Variants in MYPN observed in about 807,000 individuals in gnomAD.
The protein encoded by MYPN is myopalladin.
Under a neutral mutation model 129.4 loss-of-function variants are expected in MYPN, and 63 were observed. That is an observed-to-expected ratio of 0.49 (90% CI 0.40 to 0.60). The LOEUF (loss-of-function observed/expected upper bound fraction) is 0.60. Ranked by LOEUF, MYPN falls within the 20% of genes least tolerant of loss-of-function variation. MYPN has a pLI of 0.00. For synonymous variants in MYPN, 629 were observed against 600.9 expected (o/e 1.05, Z -0.68); for missense variants, 1,596 against 1,635.4 (o/e 0.98, Z 0.42).
upstream of MYPN, among the ~76,000 whole-genome samples, chr10:68,103,911 T>C (rs1217533399): frequency 6.6e-6 from 1 of 152,152 alleles, no homozygotes; most frequent in African/African-American, 2.4e-5. Flanking sequence ...GACCGCACCA[T>C]TGCACTCCAG....
chr10:68,136,867 G>A (rs2134043729), intron 2 of MYPN: 1 of 955,070 alleles, frequency 1.0e-6, no homozygotes, highest in Non-Finnish European at 1.5e-6. Flanking sequence ...AAAGCCAAAT[G>A]TTATTAAAGA....
chr10:68,104,785 T>C (rs1284792249), upstream of MYPN, among the ~76,000 whole-genome samples: 1 of 152,080 alleles, frequency 6.6e-6, no homozygotes, highest in Non-Finnish European at 1.5e-5. Context: ...ATTATTTCTT[T>C]CTTTATTTAT....
chr10:68,121,537 T>C lies in MYPN; in HGVS notation c.99T>C (p.Ser33=). ...GACATCGGGGAAACAATGAGAGGAGTCGAGCGGAGCCCTCCTCCAACCCTT... is the reference window on the plus strand; with the variant it reads ...GACATCGGGGAAACAATGAGAGGAGCCGAGCGGAGCCCTCCTCCAACCCTT... The part of the protein sequence containing the change: ...ETRHRGNNER[S]RAEPSSNPCH... Residue 33 remains serine, a synonymous_variant, in exon 2 of 20, where the codon AGT becomes AGC. Transcript: ENST00000358913. 6.2e-7 allele frequency: 1 copy of C among 1,613,666 alleles called. No homozygotes were observed. The highest frequency in any genetic ancestry group is 1.7e-5 in the Admixed American group (1 of 59,956).
intron 12 of MYPN, among the ~76,000 whole-genome samples, chr10:68,188,085 T>A (rs917377428): frequency 6.6e-6 from 1 of 152,098 alleles, no homozygotes; most frequent in African/African-American, 2.4e-5. Flanking sequence ...AAAGCAGACA[T>A]GGGGTTAAGA....
chr10:68,122,365 T>C (rs758196383), intron 2 of MYPN, 25 bp downstream of exon 2: 31 of 1,609,342 alleles, frequency 1.9e-5, no homozygotes, highest in Non-Finnish European at 2.6e-5. Context: ...TTGGTAATGC[T>C]GAGTAATGTT....
rs1484415984 is a variant in MYPN at position 68,126,213 on chromosome 10, G to T, written c.902+3873G>T. Among the ~76,000 whole-genome samples, 3 of 152,100 alleles carry T rather than the reference G, an allele frequency of 2.0e-5. No homozygotes were observed. In the East Asian group the frequency reaches 5.8e-4, roughly 29 times the overall value. On this transcript the variant is annotated intron_variant, in intron 2 of 19. Transcript: ENST00000358913. ...GGTTGAAGAGGTAGGTGGAAGGAAT[G>T]GGTCCTTTCAGGCCAGGTCACTTCA... is the stretch of plus-strand genomic sequence containing the variant.
chr10:68,164,319 A>T (rs2043023042), intron 8 of MYPN, among the ~76,000 whole-genome samples: 1 of 152,188 alleles, frequency 6.6e-6, no homozygotes, highest in African/African-American at 2.4e-5. Context: ...GGCCACTCTT[A>T]CTTTCATGAC....
rs1278530251 is a variant in MYPN at position 68,207,052 on chromosome 10, G to A, written c.3793+149G>A. 3 of 935,872 alleles carry A rather than the reference G, an allele frequency of 3.2e-6. No individual in the cohort carries two copies. The African/African-American group carries it at 4.9e-5, about 15-fold the overall frequency. The allele number at this position is 935,872 out of a possible 1,614,324, so 58.0% of individuals were successfully genotyped here. On this transcript the variant is annotated intron_variant, in intron 19 of 19. Transcript: ENST00000358913. Reference sequence around the variant, plus strand: ...GCAGGCAGATCACCTGAGGTCAGGAGTTCAAGACCAGCCTGGTCAACGTGA... The same window carrying A: ...GCAGGCAGATCACCTGAGGTCAGGAATTCAAGACCAGCCTGGTCAACGTGA...
At chr10:68,094,960 T>C (rs1305512952) in intron 1 of MYPN, among the ~76,000 whole-genome samples, 1 of 151,954 alleles carries the variant, frequency 6.6e-6, no homozygotes, top group African/African-American at 2.4e-5. Flanking sequence ...ACTAGGGAGA[T>C]TGAGGCCTGA....
chr10:68,161,952 C>T (rs1270953646), intron 8 of MYPN, 200 bp downstream of exon 8: 9 of 446,562 alleles, frequency 2.0e-5, no homozygotes, highest in East Asian at 7.6e-5. Context: ...TACTTGAGAT[C>T]AGAAGTTCAA....
chr10:68,093,600 A>G (rs2993348), intron 1 of MYPN, among the ~76,000 whole-genome samples: 2 of 149,436 alleles, frequency 1.3e-5, no homozygotes, highest in South Asian at 2.1e-4. Flanking sequence ...AAAAAGAAAT[A>G]CAAAAAATGA....
intron 15 of MYPN, among the ~76,000 whole-genome samples, chr10:68,195,843 C>T (rs1366310060): frequency 6.6e-6 from 1 of 152,038 alleles, no homozygotes; most frequent in African/African-American, 2.4e-5. Context: ...CACTTTGTTG[C>T]CCAGGCTGGA....
At position 68,195,518 on chromosome 10, in the gene MYPN, T is replaced by C. The variant is rs749259873; in HGVS notation, c.3144T>C (p.Ala1048=). Residue 1048 remains alanine (A), a synonymous_variant, in exon 15 of 20, where the codon GCT becomes GCC. Coordinates refer to ENST00000358913, the MANE Select transcript of MYPN (RefSeq NM_032578.4). ...SLPIRSRLTS[A]GQSHRGRSRV... Reference sequence around the variant, plus strand: ...CCATTCGCAGTCGGCTAACCTCTGCTGGTCAGTCTCACAGGTAAAGACAGT... The same window carrying C: ...CCATTCGCAGTCGGCTAACCTCTGCCGGTCAGTCTCACAGGTAAAGACAGT... The C allele has an allele frequency of 1.2e-6, 2 of 1,614,012 alleles. No individual in the cohort carries two copies. Among genetic ancestry groups the C allele is most frequent in the South Asian group, 2.2e-5 (2 of 91,080 alleles).
intron 3 of MYPN, among the ~76,000 whole-genome samples, chr10:68,143,947 G>T (rs1451987194): frequency 1.3e-5 from 2 of 152,110 alleles, no homozygotes; most frequent in East Asian, 3.9e-4. Flanking sequence ...TAGAGATGGG[G>T]TTTCACCATG....
chr10:68,145,902 T>A (rs2042658552), intron 4 of MYPN, among the ~76,000 whole-genome samples: 1 of 152,200 alleles, frequency 6.6e-6, no homozygotes, highest in Admixed American at 6.5e-5. Flanking sequence ...ATCATTCTCG[T>A]GGCCTTGAGT....
Position 68,136,167 on chromosome 10 carries a change from C to T in MYPN, c.903-6773C>T, listed in dbSNP as rs1026365527. On this transcript the variant is annotated intron_variant, in intron 2 of 19. Coordinates refer to ENST00000358913, the MANE Select transcript of MYPN (RefSeq NM_032578.4). ...TAAAGAGCCAAAAGTCCAGTTACAT[C>T]TGAAAAATGTGTCTCTTCAGTGTCT... The T allele has an allele frequency of 1.3e-5, 13 of 969,544 alleles. No individual in the cohort carries two copies. In the African/African-American group the frequency reaches 2.3e-4, roughly 17 times the overall value. The allele number at this position is 969,544 out of a possible 1,614,324, so 60.1% of individuals were successfully genotyped here. A position where few individuals can be genotyped will look rare whatever the true frequency, so the allele number is the denominator to read the frequency against.
Position 68,121,442 on chromosome 10 carries a change from C to T in MYPN, c.4C>T (p.Gln2Ter). The part of the protein sequence containing the change: M[Q>*]DDSIEASTSI... ...GTTATTATTATTTTGTGACAGCATG[C>T]AAGACGACAGCATAGAAGCTTCTAC... The change falls in exon 2 of 20, where the codon CAA becomes TAA. Residue 2 changes from glutamine (Q) to a stop codon, truncating the protein, a stop_gained. Transcript: ENST00000358913. LOFTEE classifies it high-confidence loss of function. 1 of 1,609,316 alleles carries T rather than the reference C, an allele frequency of 6.2e-7. No homozygotes were observed. The highest frequency in any genetic ancestry group is 8.5e-7 in the Non-Finnish European group (1 of 1,178,136).
At chr10:68,096,379 T>G (rs75251748) in intron 1 of MYPN, among the ~76,000 whole-genome samples, 12,710 of 152,114 alleles carry the variant, frequency 0.084, 743 homozygotes, top group South Asian at 0.22. Flanking sequence ...CTGGCCAATA[T>G]GGTGAAGCCC....
At position 68,194,260 on chromosome 10, in the gene MYPN, C is replaced by T; in HGVS notation, c.2926-103C>T. 5 of 1,225,426 alleles carry T rather than the reference C, an allele frequency of 4.1e-6. No individual in the cohort carries two copies. In the South Asian group the frequency reaches 6.4e-5, roughly 16 times the overall value. The allele number at this position is 1,225,426 out of a possible 1,614,324, so 75.9% of individuals were successfully genotyped here. A position where few individuals can be genotyped will look rare whatever the true frequency, so the allele number is the denominator to read the frequency against. On this transcript the variant is annotated intron_variant, in intron 13 of 19. Transcript: ENST00000358913. ...TTTCAAGTGCTTCATAAAGTATGGT[C>T]ACTTAAAAGATGGCAGTTGGCCCTT...
Sources: allele counts gnomAD v4.1 joint callset (sites outside exome capture counted in the v4.1 genomes callset), GRCh38; gene constraint gnomAD v4.1.1; transcripts MANE v1.5; gene names NCBI Gene and HGNC (gene_info 2026-07-23, HGNC 2026-07-21).